ADAM28: variants seen among roughly 807,000 people sequenced by gnomAD.
ADAM28 encodes the protein ADAM metallopeptidase domain 28, also known as disintegrin and metalloproteinase domain-containing protein 28.
In ADAM28, 105 loss-of-function variants were observed where a neutral mutation model predicts 101.2. The ratio of observed to expected loss-of-function variants is 1.04; its 90% CI spans 0.89 to 1.22. The LOEUF (loss-of-function observed/expected upper bound fraction) is 1.22. Ranked by LOEUF, ADAM28 falls within the 50% of genes most tolerant of loss-of-function variation. ADAM28 has a pLI of 0.00. For missense variants in ADAM28, 1,028 were observed against 945.4 expected (o/e 1.09, Z -1.15); for synonymous variants, 322 against 310.6 (o/e 1.04, Z -0.39).
At chr8:24,320,830 A>C (rs953529084) in intron 7 of ADAM28, among the ~76,000 whole-genome samples, 13 of 152,006 alleles carry the variant, frequency 8.6e-5, no homozygotes, top group African/African-American at 3.1e-4. Context: ...GTCAACCATT[A>C]GCTCAGGCCC....
chr8:24,335,872 A>C, intron 14 of ADAM28: 1 of 1,229,970 alleles, frequency 8.1e-7, no homozygotes, highest in Non-Finnish European at 1.0e-6. Flanking sequence ...GTTTTTTGTT[A>C]ATTTTTTGTT....
rs1412470078 is a variant in ADAM28 at position 24,300,027 on chromosome 8, A to G, written c.100A>G (p.Ile34Val). 11 of 1,613,786 alleles carry G rather than the reference A, an allele frequency of 6.8e-6. No homozygotes were observed. The highest frequency in any genetic ancestry group is 1.3e-5 in the African/African-American group (1 of 75,058). The change falls in exon 2 of 23, where the codon ATA (isoleucine) becomes GTA (valine). Residue 34 changes from isoleucine to valine, a missense_variant. Physicochemically the swap from Ile to Val is conservative, Grantham distance 29 (BLOSUM62 3). Transcript: ENST00000265769. ...GAAGAAGTATGAAGTGGTTTATCCT[A>G]TAAGACTTCATCCACTGCATAAAAG... ...GVKKYEVVYP[I>V]RLHPLHKREA...
intron 2 of ADAM28, among the ~76,000 whole-genome samples, chr8:24,307,807 G>A (rs144874297): frequency 1.8e-4 from 27 of 152,270 alleles, no homozygotes; most frequent in South Asian, 6.2e-4. Flanking sequence ...GGCCCATGTC[G>A]TAAAAGAAAA....
At position 24,335,531 on chromosome 8, in the gene ADAM28, C is replaced by T; in HGVS notation, c.1457C>T (p.Pro486Leu). Residue 486 changes from proline to leucine, a missense_variant, in exon 14 of 23, where the codon CCT becomes CTT. Pro to Leu is a moderately conservative substitution (Grantham distance 98). Transcript: ENST00000265769. The stretch of plus-strand genomic sequence containing the variant: ...TGTAATGGTAAATCTGGTAATTGTC[C>T]TGATGATAGATTCCAAGTCAATGGC... ...EMCNGKSGNC[P>L]DDRFQVNGFP... The T allele has an allele frequency of 6.2e-7, 1 of 1,614,102 alleles. No homozygotes were observed. Among genetic ancestry groups the T allele is most frequent in the Non-Finnish European group, 8.5e-7 (1 of 1,179,998 alleles).
At position 24,343,098 on chromosome 8, in the gene ADAM28, C is replaced by G. The variant is rs369750619; in HGVS notation, c.1831-3C>G. 1 of 1,613,524 alleles carries G rather than the reference C, an allele frequency of 6.2e-7. No homozygotes were observed. The highest frequency in any genetic ancestry group is 1.3e-5 in the African/African-American group (1 of 74,876). ...AGCTTCATGTTTTCTACATCACTTT[C>G]AGGTTTGCATTAATGCAGAATGTGT... On this transcript the variant is annotated splice_polypyrimidine_tract_variant and splice_region_variant and intron_variant, in intron 16 of 22. Coordinates refer to ENST00000265769, the MANE Select transcript of ADAM28 (RefSeq NM_014265.6).
Position 24,356,914 on chromosome 8 carries a change from A to T in ADAM28, c.*2510A>T, listed in dbSNP as rs533595951. ...CTTTTTATAAAATAATGAAGTATGC[A>T]TGAAAAGAAAGCAAATTTTAGTTGG... On this transcript the variant is annotated 3_prime_UTR_variant, in exon 23 of 23. Coordinates refer to ENST00000265769, the MANE Select transcript of ADAM28 (RefSeq NM_014265.6). 13 of 152,316 alleles carry T rather than the reference A, an allele frequency of 8.5e-5. No homozygotes were observed. Among genetic ancestry groups the T allele is most frequent in the African/African-American group, 3.1e-4 (13 of 41,578 alleles). 9.4% of individuals were successfully genotyped at this position (152,316 alleles called of 1,614,324 possible).
chr8:24,355,362 G>C lies in ADAM28; in HGVS notation c.*958G>C, dbSNP rs910400039. On this transcript the variant is annotated 3_prime_UTR_variant, in exon 23 of 23. Transcript: ENST00000265769. ...TCCTGGCTTTTAGAACAATAATTTTGTTCACCTGCCCACTTCTAGGAAAGA... is the reference window on the plus strand; with the variant it reads ...TCCTGGCTTTTAGAACAATAATTTTCTTCACCTGCCCACTTCTAGGAAAGA... The C allele has an allele frequency of 6.7e-6, 1 of 148,606 alleles. No individual in the cohort carries two copies. Among genetic ancestry groups the C allele is most frequent in the African/African-American group, 2.5e-5 (1 of 40,156 alleles). 9.2% of individuals were successfully genotyped at this position (148,606 alleles called of 1,614,324 possible).
At chr8:24,314,546 G>C (rs1023427392) in intron 6 of ADAM28, among the ~76,000 whole-genome samples, 20 of 151,960 alleles carry the variant, frequency 1.3e-4, no homozygotes, top group Non-Finnish European at 2.4e-4. Flanking sequence ...CAGAGTCTGT[G>C]AGCAAAGGGT....
intron 2 of ADAM28, among the ~76,000 whole-genome samples, chr8:24,306,390 A>AT (rs1809692250): frequency 7.9e-6 from 1 of 126,850 alleles, no homozygotes; most frequent in Non-Finnish European, 1.7e-5. Flanking sequence ...ATATATTTAA[A>AT]AATATATATA....
At chr8:24,300,203 T>A in intron 2 of ADAM28, 126 bp downstream of exon 2, 1 of 680,030 alleles carries the variant, frequency 1.5e-6, no homozygotes. Context: ...TGTGTGTGTG[T>A]ATGTGTGTGC....
intron 14 of ADAM28, among the ~76,000 whole-genome samples, chr8:24,337,273 G>T (rs1814219063): frequency 6.6e-6 from 1 of 152,206 alleles, no homozygotes; most frequent in South Asian, 2.1e-4. Flanking sequence ...ATTGATTGTT[G>T]GTTAAGAAGC....
intron 6 of ADAM28, among the ~76,000 whole-genome samples, chr8:24,316,670 C>T (rs576756719): frequency 6.6e-6 from 1 of 152,096 alleles, no homozygotes; most frequent in East Asian, 1.9e-4. Flanking sequence ...TCTTCTGGTA[C>T]CAGGCAAGGA....
At chr8:24,316,279 A>T (rs1811149783) in intron 6 of ADAM28, among the ~76,000 whole-genome samples, 1 of 151,892 alleles carries the variant, frequency 6.6e-6, no homozygotes, top group African/African-American at 2.4e-5. Context: ...TTTCTTCATA[A>T]AAGTAAGTGC....
chr8:24,325,672 G>T (rs1163351317), intron 9 of ADAM28, among the ~76,000 whole-genome samples: 1 of 151,320 alleles, frequency 6.6e-6, no homozygotes, highest in Non-Finnish European at 1.5e-5. Context: ...GATAAAATCT[G>T]CAGGGAATGA....
chr8:24,325,880 A>AAAAAAAAAAAAAAAAAAAAAC (rs1399046213), intron 9 of ADAM28, among the ~76,000 whole-genome samples: 1 of 142,822 alleles, frequency 7.0e-6, no homozygotes, highest in East Asian at 2.1e-4. Context: ...GCAAAAAAAA[A>AAAAAAAAAAAAAAAAAAAAAC]AAAAAAAAAA....
intron 6 of ADAM28, among the ~76,000 whole-genome samples, chr8:24,317,694 C>T (rs527437844): frequency 3.3e-5 from 5 of 151,680 alleles, no homozygotes; most frequent in South Asian, 2.1e-4. Flanking sequence ...CTATATCAAA[C>T]GAAAAAGCTT....
intron 2 of ADAM28, among the ~76,000 whole-genome samples, chr8:24,301,856 C>T (rs1029459203): frequency 5.3e-5 from 8 of 152,166 alleles, no homozygotes; most frequent in African/African-American, 1.9e-4. Flanking sequence ...CCCTGAGACA[C>T]TGACCAGTTT....
At position 24,341,648 on chromosome 8, in the gene ADAM28, C is replaced by T; in HGVS notation, c.1721C>T (p.Pro574Leu). The T allele has an allele frequency of 6.2e-7, 1 of 1,613,690 alleles. No homozygotes were observed. Reference protein sequence around the residue: ...LFCQGGSDNLPWKGRIVTFLT... With the variant: ...LFCQGGSDNLLWKGRIVTFLT... Reference sequence around the variant, plus strand: ...TGTCAAGGTGGGTCGGATAATTTGCCCTGGAAAGGACGGATAGTGACTTTC... The same window carrying T: ...TGTCAAGGTGGGTCGGATAATTTGCTCTGGAAAGGACGGATAGTGACTTTC... The change falls in exon 16 of 23, where the codon CCC becomes CTC. Residue 574 changes from proline to leucine, a missense_variant. Pro to Leu is a moderately conservative substitution (Grantham distance 98). Coordinates refer to ENST00000265769, the MANE Select transcript of ADAM28 (RefSeq NM_014265.6).
intron 12 of ADAM28, 68 bp downstream of exon 12, chr8:24,331,395 T>G: frequency 1.4e-6 from 2 of 1,446,092 alleles, no homozygotes; most frequent in Middle Eastern, 1.8e-4. Context: ...AACTACAAAA[T>G]AATGTGTGGC....
Sources: allele counts gnomAD v4.1 joint callset (sites outside exome capture counted in the v4.1 genomes callset), GRCh38; gene constraint gnomAD v4.1.1; transcripts MANE v1.5; gene names NCBI Gene and HGNC (gene_info 2026-07-23, HGNC 2026-07-21).